Variants in DSTYK observed in about 807,000 individuals in gnomAD.
DSTYK encodes the protein dual serine/threonine and tyrosine protein kinase, also known as RIP-homologous kinase.
Under a neutral mutation model 98.7 loss-of-function variants are expected in DSTYK, and 34 were observed. That is an observed-to-expected ratio of 0.34 (90% confidence interval 0.26 to 0.46). The LOEUF (loss-of-function observed/expected upper bound fraction) is 0.46, where lower values mean the gene tolerates loss of function less well. Ranked by LOEUF, DSTYK falls within the 20% of genes least tolerant of loss-of-function variation. The pLI, the probability that DSTYK is intolerant of heterozygous loss-of-function variation, is 1.00. For synonymous variants in DSTYK, 462 were observed against 457.3 expected (o/e 1.01, Z -0.13); for missense variants, 962 against 1,181.7 (o/e 0.81, Z 2.73).
chr1:205,173,261 G>A (rs1467209509), intron 2 of DSTYK: 2 of 151,922 alleles, frequency 1.3e-5, no homozygotes, highest in Non-Finnish European at 2.9e-5. Context: ...AGACATGCTG[G>A]TGCACACCTA....
rs61220458 is a variant in DSTYK at position 205,145,525 on chromosome 1, G to GTTTTTTTTTTTTTTTTTTTTTTTTTT, written c.*2032_*2033insAAAAAAAAAAAAAAAAAAAAAAAAAA. On this transcript the variant is annotated 3_prime_UTR_variant, in exon 13 of 13. Coordinates refer to ENST00000367162, the MANE Select transcript of DSTYK (RefSeq NM_015375.3). ...GATGTGCGACTCATCTTTGTTTTTT[G>GTTTTTTTTTTTTTTTTTTTTTTTTTT]TTTTTTTTTTTGTTTTTTTTTGAGA... is the stretch of plus-strand genomic sequence containing the variant. 2.4e-5 allele frequency: 3 copies of GTTTTTTTTTTTTTTTTTTTTTTTTTT among 125,544 alleles called. 1 individual carries two copies. The highest frequency in any genetic ancestry group is 1.7e-5 in the Non-Finnish European group (1 of 59,288). The allele number at this position is 125,544 out of a possible 1,614,324, so 7.8% of individuals were successfully genotyped here. A position where few individuals can be genotyped will look rare whatever the true frequency, so the allele number is the denominator to read the frequency against.
intron 10 of DSTYK, among the ~76,000 whole-genome samples, chr1:205,152,701 G>T (rs539128535): frequency 1.0e-4 from 15 of 149,580 alleles, no homozygotes; most frequent in African/African-American, 3.7e-4. Flanking sequence ...TATTATATTT[G>T]CTGATTCAGC....
chr1:205,183,677 C>G (rs1658484040), intron 2 of DSTYK, among the ~76,000 whole-genome samples: 1 of 152,164 alleles, frequency 6.6e-6, no homozygotes, highest in Non-Finnish European at 1.5e-5. Context: ...ACTCACTGGT[C>G]CTAAAAATAA....
At position 205,187,597 on chromosome 1, in the gene DSTYK, T is replaced by A. The variant is rs1355916475; in HGVS notation, c.475A>T (p.Thr159Ser). 6 of 1,614,102 alleles carry A rather than the reference T, an allele frequency of 3.7e-6. No individual in the cohort carries two copies. Among genetic ancestry groups the A allele is most frequent in the Non-Finnish European group, 5.1e-6 (6 of 1,180,026 alleles). ...AGCGCCAGGCTGACCCGAGTCTGAG[T>A]CCCATAGGTGAAGCGGAGGCGCCGA... ...KLRRLRFTYGTQTRVSLALPG... is the reference protein window; with the variant it reads ...KLRRLRFTYGSQTRVSLALPG... The change falls in exon 2 of 13, where the codon ACT becomes TCT. Residue 159 changes from threonine (T) to serine (S), a missense_variant. Around this residue, in one of 4 missense-constraint regions of DSTYK, gnomAD observed 660 missense variants for 855.0 expected, o/e 0.77. Coordinates refer to ENST00000367162, the MANE Select transcript of DSTYK (RefSeq NM_015375.3).
rs1659238457 is a variant in DSTYK at position 205,207,507 on chromosome 1, T to A, written c.265+3764A>T. On this transcript the variant is annotated intron_variant, in intron 1 of 12. Transcript: ENST00000367162. ...GGCTCATGCCTGTAATCCCAGCACT[T>A]TGGGAGGCCAAGGCAGGCAGATCGC... 2.0e-5 allele frequency among the ~76,000 whole-genome samples: 3 copies of A among 151,164 alleles called. No homozygotes were observed. In the South Asian group the frequency reaches 6.3e-4, roughly 32 times the overall value.
intron 1 of DSTYK, among the ~76,000 whole-genome samples, chr1:205,203,541 TAGGGAAGGGGAGGGGAGGGG>T (rs1659107819): frequency 9.5e-5 from 1 of 10,520 alleles, no homozygotes; most frequent in Non-Finnish European, 1.7e-4. Flanking sequence ...AGGGGTACGG[TAGGGAAGGGGAGGGGAGGGG>T]AGGGGAGGGG....
intron 2 of DSTYK, among the ~76,000 whole-genome samples, chr1:205,179,378 T>G (rs1352145893): frequency 6.6e-6 from 1 of 152,064 alleles, no homozygotes; most frequent in Non-Finnish European, 1.5e-5. Context: ...CCCAGCACTT[T>G]GGGAGGCCGA....
intron 2 of DSTYK, among the ~76,000 whole-genome samples, chr1:205,174,626 T>G (rs961479519): frequency 1.3e-5 from 2 of 150,576 alleles, no homozygotes; most frequent in Non-Finnish European, 3.0e-5. Flanking sequence ...GAGGTTGCAG[T>G]GAGCTGAGAT....
Position 205,211,554 on chromosome 1 carries a change from C to G in DSTYK, c.-19G>C, listed in dbSNP as rs781163740. The stretch of plus-strand genomic sequence containing the variant: ...CCTCCATCGCCTCTGCCCGCTCTGT[C>G]TTTGCGGCTCGGTCCCCGGCCGCAG... On this transcript the variant is annotated 5_prime_UTR_variant, in exon 1 of 13. Coordinates refer to ENST00000367162, the MANE Select transcript of DSTYK (RefSeq NM_015375.3). The G allele has an allele frequency of 2.0e-6, 3 of 1,467,650 alleles. No homozygotes were observed. The highest frequency in any genetic ancestry group is 2.8e-5 in the South Asian group (2 of 71,814). The allele number at this position is 1,467,650 out of a possible 1,614,324, so 90.9% of individuals were successfully genotyped here. A position where few individuals can be genotyped will look rare whatever the true frequency, so the allele number is the denominator to read the frequency against.
intron 2 of DSTYK, among the ~76,000 whole-genome samples, chr1:205,175,819 G>C (rs796262436): frequency 6.6e-6 from 1 of 152,240 alleles, no homozygotes; most frequent in African/African-American, 2.4e-5. Flanking sequence ...AACAGTGCCT[G>C]GCACTTAGTA....
intron 1 of DSTYK, among the ~76,000 whole-genome samples, chr1:205,191,616 A>C (rs528722069): frequency 2.6e-4 from 39 of 152,152 alleles, no homozygotes; most frequent in Non-Finnish European, 4.4e-4. Context: ...GGTGGTTTTT[A>C]TTTTATTTTA....
Position 205,147,886 on chromosome 1 carries a change from C to T in DSTYK, c.2603-141G>A, listed in dbSNP as rs150519154. Reference sequence around the variant, plus strand: ...GAGTTTTGACTTCGATTGCAAACATCTAGGTTAGAACCTAACAGTAAGAGC... The same window carrying T: ...GAGTTTTGACTTCGATTGCAAACATTTAGGTTAGAACCTAACAGTAAGAGC... On this transcript the variant is annotated intron_variant, in intron 12 of 12. Coordinates refer to ENST00000367162, the MANE Select transcript of DSTYK (RefSeq NM_015375.3). The T allele has an allele frequency of 8.5e-4, 681 of 796,988 alleles. 10 individuals carry two copies. In the East Asian group the frequency reaches 0.014, roughly 16 times the overall value. The allele number at this position is 796,988 out of a possible 1,614,324, so 49.4% of individuals were successfully genotyped here. A position where few individuals can be genotyped will look rare whatever the true frequency, so the allele number is the denominator to read the frequency against.
At chr1:205,166,472 A>C (rs11240373) in intron 3 of DSTYK, among the ~76,000 whole-genome samples, 45,846 of 115,960 alleles carry the variant, frequency 0.4, 8,390 homozygotes, top group Non-Finnish European at 0.51. Flanking sequence ...TCGTCTTTAC[A>C]AAAAAAAAAA....
intron 3 of DSTYK, among the ~76,000 whole-genome samples, chr1:205,164,763 T>C (rs970614446): frequency 1.3e-5 from 2 of 152,108 alleles, no homozygotes; most frequent in Non-Finnish European, 2.9e-5. Flanking sequence ...GCCCGGCAAT[T>C]TTGTTAGCTT....
At chr1:205,151,600 G>C (rs1209712560) in intron 10 of DSTYK, among the ~76,000 whole-genome samples, 3 of 151,344 alleles carry the variant, frequency 2.0e-5, no homozygotes, top group Admixed American at 6.6e-5. Context: ...TGACAGCTAA[G>C]ACTATAGTTG....
intron 2 of DSTYK, among the ~76,000 whole-genome samples, chr1:205,175,073 G>A (rs900303731): frequency 4.1e-5 from 6 of 145,370 alleles, no homozygotes; most frequent in African/African-American, 1.5e-4. Flanking sequence ...AGTATGGCCT[G>A]ATATATTGGC....
intron 1 of DSTYK, among the ~76,000 whole-genome samples, chr1:205,193,969 C>T (rs1428175899): frequency 6.6e-6 from 1 of 152,116 alleles, no homozygotes; most frequent in Non-Finnish European, 1.5e-5. Context: ...GACCCTCATT[C>T]CAGAGAGGAC....
At chr1:205,166,470 A>AC (rs752562316) in intron 3 of DSTYK, among the ~76,000 whole-genome samples, 144 of 139,868 alleles carry the variant, frequency 1.0e-3, no homozygotes, top group Non-Finnish European at 1.6e-3. Context: ...CCTCGTCTTT[A>AC]CAAAAAAAAA....
At chr1:205,196,393 CA>C (rs372449784) in intron 1 of DSTYK, among the ~76,000 whole-genome samples, 66 of 152,004 alleles carry the variant, frequency 4.3e-4, no homozygotes, top group African/African-American at 1.2e-3. Context: ...TCCATCTCTA[CA>C]AAAAATTTAA....
Sources: allele counts gnomAD v4.1 joint callset (sites outside exome capture counted in the v4.1 genomes callset), GRCh38; gene constraint gnomAD v4.1.1; regional missense constraint gnomAD v4.1.1; transcripts MANE v1.5; gene names NCBI Gene and HGNC (gene_info 2026-07-23, HGNC 2026-07-21).